The following METTL9 variants were observed in gnomAD, a reference collection of about 807,000 sequenced individuals.
METTL9 encodes protein-L-histidine N-pros-methyltransferase.
METTL9 carries 10 observed loss-of-function variants against 36.0 expected under a neutral mutation model. The observed-to-expected ratio is 0.28, with a 90% CI of 0.17 to 0.47. METTL9 has a LOEUF of 0.47. METTL9 is among the 20% of genes least tolerant of loss of function. The pLI is 0.99. For missense variants in METTL9, 246 were observed against 383.5 expected, an observed-to-expected ratio of 0.64 and a Z score of 3.00; for synonymous variants, 175 against 149.7, an observed-to-expected ratio of 1.17 and a Z score of -1.23.
chr16:21,629,219 A>G (rs1210759674), intron 4 of METTL9, among the ~76,000 whole-genome samples: 1 of 152,022 alleles, frequency 6.6e-6, no homozygotes, highest in Non-Finnish European at 1.5e-5. Context: ...TGTTCCTCCC[A>G]GATATATATT....
chr16:21,649,224 C>T (rs749356399), intron 4 of METTL9, among the ~76,000 whole-genome samples: 1 of 152,180 alleles, frequency 6.6e-6, no homozygotes, highest in Non-Finnish European at 1.5e-5. Context: ...CACCCCTAAA[C>T]TCAAGCGACC....
chr16:21,633,297 T>A (rs1250827140), intron 4 of METTL9, among the ~76,000 whole-genome samples: 2 of 152,202 alleles, frequency 1.3e-5, no homozygotes, highest in Admixed American at 1.3e-4. Context: ...TTTGATTAGC[T>A]AGAACGTTCA....
At chr16:21,632,004 C>T (rs977778371) in intron 4 of METTL9, among the ~76,000 whole-genome samples, 1 of 152,096 alleles carries the variant, frequency 6.6e-6, no homozygotes, top group African/African-American at 2.4e-5. Flanking sequence ...CTCTGACTCC[C>T]TCTGTCTCTT....
chr16:21,611,088 GTC>G (rs1274374485), intron 1 of METTL9, among the ~76,000 whole-genome samples: 2 of 152,168 alleles, frequency 1.3e-5, no homozygotes, highest in Non-Finnish European at 2.9e-5. Flanking sequence ...TTCATAGCTT[GTC>G]ATATAGAGTA....
At chr16:21,616,820 C>CT (rs950536960) in intron 2 of METTL9, among the ~76,000 whole-genome samples, 11 of 152,180 alleles carry the variant, frequency 7.2e-5, no homozygotes, top group African/African-American at 9.6e-5. Context: ...TTTGAAATCA[C>CT]TTTTTTTTCC....
At chr16:21,654,593 C>G (rs1419343139) in intron 4 of METTL9, 1 of 152,704 alleles carries the variant, frequency 6.5e-6, no homozygotes, top group African/African-American at 2.4e-5. Context: ...TGTATCCATC[C>G]TACTGTTCCA....
intron 4 of METTL9, chr16:21,652,796 CTT>C: frequency 2.3e-6 from 1 of 432,120 alleles, no homozygotes; most frequent in Non-Finnish European, 4.2e-6. Context: ...ATGTGCATAT[CTT>C]TTTTTTTTCC....
At position 21,656,672 on chromosome 16, in the gene METTL9, T is replaced by G. The variant is rs990353176; in HGVS notation, c.*1240T>G. On this transcript the variant is annotated 3_prime_UTR_variant, in exon 5 of 5. Coordinates refer to ENST00000358154, the MANE Select transcript of METTL9 (RefSeq NM_016025.5). Reference sequence around the variant, plus strand: ...TATGTTATCCTCACTACTTTATTTCTTTTTTCATCCAGGTGTTTCATTAAG... The same window carrying G: ...TATGTTATCCTCACTACTTTATTTCGTTTTTCATCCAGGTGTTTCATTAAG... 6.6e-6 allele frequency: 1 copy of G among 152,210 alleles called. No homozygotes were observed. Among genetic ancestry groups the G allele is most frequent in the Non-Finnish European group, 1.5e-5 (1 of 68,046 alleles). The allele number at this position is 152,210 out of a possible 1,614,324, so 9.4% of individuals were successfully genotyped here.
At chr16:21,646,675 G>C (rs1966436922) in intron 4 of METTL9, 1 of 236,282 alleles carries the variant, frequency 4.2e-6, no homozygotes, top group Non-Finnish European at 8.5e-6. Context: ...GTTTTTCTGA[G>C]ATGGAGTCTT....
At chr16:21,629,499 C>T (rs949698240) in intron 4 of METTL9, among the ~76,000 whole-genome samples, 5 of 152,274 alleles carry the variant, frequency 3.3e-5, no homozygotes, top group African/African-American at 1.2e-4. Context: ...TCTCTGACTT[C>T]AGGAATGAAG....
intron 3 of METTL9, among the ~76,000 whole-genome samples, chr16:21,619,263 G>A (rs373160645): frequency 5.5e-4 from 84 of 152,220 alleles, no homozygotes; most frequent in Non-Finnish European, 9.9e-4. Context: ...CATTGCTGCT[G>A]CACCATTTTA....
chr16:21,600,795 G>A (rs118173023), intron 1 of METTL9, among the ~76,000 whole-genome samples: 3,649 of 152,216 alleles, frequency 0.024, 62 homozygotes, highest in Non-Finnish European at 0.036. Context: ...TTGAAAAGAG[G>A]CTTTTGAACT....
At chr16:21,614,511 T>C (rs1016109726) in intron 2 of METTL9, among the ~76,000 whole-genome samples, 2 of 152,152 alleles carry the variant, frequency 1.3e-5, no homozygotes, top group Non-Finnish European at 2.9e-5. Flanking sequence ...TTAAAACTCT[T>C]CTGCTTTTTC....
At chr16:21,636,026 T>G (rs951740517) in intron 4 of METTL9, among the ~76,000 whole-genome samples, 4 of 152,162 alleles carry the variant, frequency 2.6e-5, no homozygotes, top group African/African-American at 7.2e-5. Context: ...TACTGATGCA[T>G]TCTCAAAAAC....
intron 4 of METTL9, among the ~76,000 whole-genome samples, chr16:21,628,631 C>T (rs1965869008): frequency 6.6e-6 from 1 of 151,960 alleles, no homozygotes; most frequent in African/African-American, 2.4e-5. Flanking sequence ...GTAGCTGGGA[C>T]TACAGGTGCA....
At chr16:21,633,230 C>T (rs1966008823) in intron 4 of METTL9, among the ~76,000 whole-genome samples, 1 of 152,196 alleles carries the variant, frequency 6.6e-6, no homozygotes. Flanking sequence ...AAGATTAGGT[C>T]TGGATATTTG....
intron 3 of METTL9, among the ~76,000 whole-genome samples, chr16:21,623,920 G>A (rs910633773): frequency 1.8e-4 from 28 of 151,974 alleles, no homozygotes; most frequent in Admixed American, 7.9e-4. Context: ...ACAGGCACGC[G>A]CCACCACACC....
chr16:21,637,551 A>G (rs558968161), intron 4 of METTL9, among the ~76,000 whole-genome samples: 31 of 152,272 alleles, frequency 2.0e-4, no homozygotes, highest in African/African-American at 7.2e-4. Context: ...TCACCTCTCA[A>G]TGGCACTGGC....
chr16:21,613,635 G>T (rs756938075), intron 2 of METTL9, among the ~76,000 whole-genome samples: 4 of 152,064 alleles, frequency 2.6e-5, no homozygotes, highest in Admixed American at 2.6e-4. Context: ...AACATACTTC[G>T]CAGTGGCAAA....
Sources: allele counts gnomAD v4.1 joint callset (sites outside exome capture counted in the v4.1 genomes callset), GRCh38; gene constraint gnomAD v4.1.1; transcripts MANE v1.5; gene names NCBI Gene and HGNC (gene_info 2026-07-23, HGNC 2026-07-21).